MARCHF1: variants seen among roughly 807,000 people sequenced by gnomAD.
The protein encoded by MARCHF1 is E3 ubiquitin-protein ligase MARCHF1.
A neutral mutation model predicts 54.2 loss-of-function variants in MARCHF1; 40 were observed. The observed-to-expected ratio is 0.74, with a 90% confidence interval of 0.57 to 0.96. The LOEUF is 0.96. Among genes scored for constraint, MARCHF1 ranks in the 40% least tolerant of loss-of-function variants. The pLI is 0.00. For synonymous variants in MARCHF1, 236 were observed against 236.3 expected (o/e 1.00, Z 0.01); for missense variants, 586 against 656.5 (o/e 0.89, Z 1.17).
At chr4:163,869,260 C>T (rs138500447) in intron 3 of MARCHF1, among the ~76,000 whole-genome samples, 468 of 152,148 alleles carry the variant, frequency 3.1e-3, no homozygotes, top group Non-Finnish European at 4.2e-3. Flanking sequence ...TGGACATTTA[C>T]GCAAGCTTAA....
At chr4:163,572,499 T>G (rs969886507) in intron 8 of MARCHF1, among the ~76,000 whole-genome samples, 1 of 152,106 alleles carries the variant, frequency 6.6e-6, no homozygotes, top group Non-Finnish European at 1.5e-5. Context: ...CCTTCTGGCC[T>G]CCTAGTCAGA....
At chr4:164,326,183 C>T (rs1735276556) in intron 1 of MARCHF1, among the ~76,000 whole-genome samples, 1 of 152,134 alleles carries the variant, frequency 6.6e-6, no homozygotes, top group Non-Finnish European at 1.5e-5. Context: ...AATTGCAGCT[C>T]TCCACTGAGG....
intron 1 of MARCHF1, among the ~76,000 whole-genome samples, chr4:164,144,038 A>G (rs920154278): frequency 6.6e-6 from 1 of 152,232 alleles, no homozygotes; most frequent in African/African-American, 2.4e-5. Context: ...CTGATAAAAC[A>G]GGCTTTAAAC....
intron 3 of MARCHF1, among the ~76,000 whole-genome samples, chr4:163,923,691 C>G (rs2111370568): frequency 6.6e-6 from 1 of 150,432 alleles, no homozygotes; most frequent in Middle Eastern, 3.4e-3. Flanking sequence ...TATTTCTAGG[C>G]TAAAGTGATT....
At chr4:163,666,133 G>A (rs745466753) in intron 5 of MARCHF1, among the ~76,000 whole-genome samples, 39 of 152,110 alleles carry the variant, frequency 2.6e-4, no homozygotes, top group Non-Finnish European at 4.9e-4. Context: ...TAATATCATT[G>A]CTTCTGTCTA....
At chr4:164,016,339 C>A (rs1241045252) in intron 2 of MARCHF1, among the ~76,000 whole-genome samples, 1 of 152,092 alleles carries the variant, frequency 6.6e-6, no homozygotes, top group African/African-American at 2.4e-5. Flanking sequence ...CTCACTATCA[C>A]AAGAAGAGCA....
chr4:164,367,244 T>G (rs1730903827), intron 1 of MARCHF1, among the ~76,000 whole-genome samples: 1 of 152,082 alleles, frequency 6.6e-6, no homozygotes, highest in African/African-American at 2.4e-5. Flanking sequence ...ATGGTAATGG[T>G]GATCATGGAG....
intron 2 of MARCHF1, among the ~76,000 whole-genome samples, chr4:164,091,410 T>TTTTATATATATA (rs145149996): frequency 0.018 from 2,399 of 136,850 alleles, 38 homozygotes; most frequent in South Asian, 0.052. Context: ...TCACCAAGTT[T>TTTTATATATATA]TATATATATA....
At chr4:164,216,771 AGCAGGGCTCTACTGGAGTCTTTGTTACT>A (rs1277006531) in intron 1 of MARCHF1, among the ~76,000 whole-genome samples, 1 of 152,172 alleles carries the variant, frequency 6.6e-6, no homozygotes, top group Non-Finnish European at 1.5e-5. Flanking sequence ...ACCATGTGAG[AGCAGGGCTCTACTGGAGTCTTTGTTACT>A]GCAGGGAAAA....
intron 2 of MARCHF1, among the ~76,000 whole-genome samples, chr4:164,077,103 G>A (rs202119391): frequency 6.6e-6 from 1 of 152,096 alleles, no homozygotes; most frequent in Non-Finnish European, 1.5e-5. Flanking sequence ...CAAAGCTGGA[G>A]GCATCACGCT....
At chr4:164,287,706 A>G (rs918180664) in intron 1 of MARCHF1, among the ~76,000 whole-genome samples, 6 of 152,184 alleles carry the variant, frequency 3.9e-5, no homozygotes, top group African/African-American at 9.7e-5. Flanking sequence ...ATGAAAACTA[A>G]TATCTTTGTC....
At chr4:163,578,146 C>A (rs979904488) in intron 8 of MARCHF1, among the ~76,000 whole-genome samples, 1 of 151,696 alleles carries the variant, frequency 6.6e-6, no homozygotes, top group Non-Finnish European at 1.5e-5. Context: ...TTTCAAAAAC[C>A]AGAATAAAAG....
chr4:163,778,662 C>T (rs530930615), intron 4 of MARCHF1, among the ~76,000 whole-genome samples: 6 of 152,160 alleles, frequency 3.9e-5, no homozygotes, highest in South Asian at 2.1e-4. Flanking sequence ...TGGAATACTA[C>T]TCAGCCATTA....
chr4:163,915,498 G>A (rs570823293), intron 3 of MARCHF1, among the ~76,000 whole-genome samples: 1 of 152,012 alleles, frequency 6.6e-6, no homozygotes, highest in East Asian at 1.9e-4. Context: ...ATGAACTCCT[G>A]GAACAGAAAA....
chr4:164,138,885 G>A (rs1319707114), intron 1 of MARCHF1, among the ~76,000 whole-genome samples: 2 of 152,098 alleles, frequency 1.3e-5, no homozygotes, highest in Non-Finnish European at 2.9e-5. Flanking sequence ...TGAAAAAAAA[G>A]TATTCTGAAA....
At chr4:163,670,868 G>A (rs1007594611) in intron 5 of MARCHF1, among the ~76,000 whole-genome samples, 1 of 152,112 alleles carries the variant, frequency 6.6e-6, no homozygotes, top group African/African-American at 2.4e-5. Flanking sequence ...GAATCTTCAA[G>A]TATTTCCTTT....
chr4:164,003,475 G>A (rs1354905733), intron 2 of MARCHF1, among the ~76,000 whole-genome samples: 1 of 151,928 alleles, frequency 6.6e-6, no homozygotes, highest in Non-Finnish European at 1.5e-5. Context: ...TAAGTAAAAT[G>A]TAAAATTATT....
At chr4:163,799,137 G>C (rs1333099143) in intron 4 of MARCHF1, among the ~76,000 whole-genome samples, 1 of 152,084 alleles carries the variant, frequency 6.6e-6, no homozygotes, top group Non-Finnish European at 1.5e-5. Flanking sequence ...GAAAAATTTA[G>C]TTTCTTATCT....
intron 5 of MARCHF1, among the ~76,000 whole-genome samples, chr4:163,676,372 A>T (rs896779878): frequency 6.6e-6 from 1 of 151,678 alleles, no homozygotes; most frequent in East Asian, 1.9e-4. Context: ...AAAAAAAAAA[A>T]ATCAGAAGAT....
Sources: gnomAD v4.1 joint callset for allele counts (sites outside exome capture counted in the v4.1 genomes callset) on GRCh38, gnomAD v4.1.1 for gene constraint, MANE v1.5 for transcripts, NCBI Gene and HGNC (gene_info 2026-07-23, HGNC 2026-07-21) for gene names.